The following CAPS2 variants were observed in gnomAD, a reference collection of about 807,000 sequenced individuals.
CAPS2 encodes calcyphosin-2.
In CAPS2, 98 loss-of-function variants were observed where a neutral mutation model predicts 86.5. The ratio of observed to expected loss-of-function variants is 1.13; its 90% CI spans 0.96 to 1.34. The LOEUF is 1.34. Ranked by LOEUF, CAPS2 falls within the 40% of genes most tolerant of loss-of-function variation. The probability of loss-of-function intolerance (pLI) is 0.00; values close to 1 mark genes in which losing one functional copy is unlikely to be tolerated. For missense variants in CAPS2, 729 were observed against 686.8 expected, an observed-to-expected ratio of 1.06 and a Z score of -0.69; for synonymous variants, 210 against 225.1, an observed-to-expected ratio of 0.93 and a Z score of 0.60.
intron 1 of CAPS2, among the ~76,000 whole-genome samples, chr12:75,345,429 G>A (rs1408754667): frequency 6.6e-6 from 1 of 152,014 alleles, no homozygotes; most frequent in Non-Finnish European, 1.5e-5. Flanking sequence ...ACATGGTACT[G>A]AGCCCCTAGG....
chr12:75,370,042 A>G, intron 1 of CAPS2: 2 of 1,329,032 alleles, frequency 1.5e-6, no homozygotes, highest in Non-Finnish European at 2.1e-6. Flanking sequence ...TTGAAAATCA[A>G]TTGAACTCTT....
chr12:75,352,165 G>A (rs997783065), intron 1 of CAPS2, among the ~76,000 whole-genome samples: 2 of 152,154 alleles, frequency 1.3e-5, no homozygotes, highest in East Asian at 1.9e-4. Flanking sequence ...CTATACTAAC[G>A]TTAAATGTAA....
In CAPS2 at chr12:75,374,871, A is replaced by G. The variant is rs141413720; in HGVS notation, c.-395+15967T>C. Among the ~76,000 whole-genome samples, 398 of 152,328 alleles carry G rather than the reference A, an allele frequency of 2.6e-3. 2 individuals carry two copies. Among genetic ancestry groups the G allele is most frequent in the African/African-American group, 9.3e-3 (386 of 41,570 alleles). ...GCTATGAAACCACACATGGTACAGC[A>G]GCTGCAATTAGAGTCAACACTTGGT... is the stretch of plus-strand genomic sequence containing the variant. On this transcript the variant is annotated intron_variant, in intron 1 of 5. Transcript: ENST00000551829.
intron 11 of CAPS2, among the ~76,000 whole-genome samples, chr12:75,296,949 A>T (rs934860846): frequency 6.6e-6 from 1 of 152,234 alleles, no homozygotes; most frequent in Non-Finnish European, 1.5e-5. Flanking sequence ...CAATGCTACA[A>T]TGTGAACCTC....
chr12:75,388,093 G>A (rs893225692), intron 1 of CAPS2, among the ~76,000 whole-genome samples: 1 of 152,176 alleles, frequency 6.6e-6, no homozygotes, highest in Admixed American at 6.5e-5. Flanking sequence ...CTAGGTGAGA[G>A]GTAACTGAAT....
chr12:75,341,750 T>TTTC (rs2042133367), intron 1 of CAPS2, among the ~76,000 whole-genome samples: 1 of 138,458 alleles, frequency 7.2e-6, no homozygotes, highest in Non-Finnish European at 1.6e-5. Context: ...CCGGCCTCTT[T>TTTC]TTTTTTTTTT....
At chr12:75,349,420 A>T (rs2042660652) in intron 1 of CAPS2, among the ~76,000 whole-genome samples, 1 of 152,244 alleles carries the variant, frequency 6.6e-6, no homozygotes, top group African/African-American at 2.4e-5. Context: ...CACAATACCC[A>T]GCACCTAACA....
At chr12:75,376,525 T>C (rs1344346198) in intron 1 of CAPS2, among the ~76,000 whole-genome samples, 1 of 152,170 alleles carries the variant, frequency 6.6e-6, no homozygotes, top group Non-Finnish European at 1.5e-5. Context: ...TTGTCTTGCC[T>C]GGCAACTGCC....
At chr12:75,332,532 T>C (rs1206497736), upstream of CAPS2, among the ~76,000 whole-genome samples, 1 of 152,190 alleles carries the variant, frequency 6.6e-6, no homozygotes, top group Non-Finnish European at 1.5e-5. Context: ...TTACCCAGCA[T>C]TTCCTTTTAT....
intron 4 of CAPS2, chr12:75,322,963 T>A: frequency 7.2e-7 from 1 of 1,385,520 alleles, no homozygotes; most frequent in Non-Finnish European, 1.0e-6. Context: ...GATAAGCAAA[T>A]AAATACTAAC....
chr12:75,390,697 A>C lies in CAPS2; in HGVS notation c.-395+141T>G, dbSNP rs189418971. 545 of 434,144 alleles carry C rather than the reference A, an allele frequency of 1.3e-3. 4 individuals are homozygous for C. Among genetic ancestry groups the C allele is most frequent in the African/African-American group, 0.01 (505 of 49,450 alleles). 26.9% of individuals were successfully genotyped at this position (434,144 alleles called of 1,614,324 possible). ...AATCATTTCACCTGGCACAATTAGA[A>C]GGTTCCTCAGACCTGTTACTCAGCA... On this transcript the variant is annotated intron_variant, in intron 1 of 5. Coordinates refer to the CAPS2 transcript ENST00000551829.
chr12:75,310,451 C>A (rs2039025420), intron 7 of CAPS2, among the ~76,000 whole-genome samples: 1 of 152,040 alleles, frequency 6.6e-6, no homozygotes, highest in African/African-American at 2.4e-5. Flanking sequence ...TGCAAAGTAC[C>A]TAAGACAGGA....
chr12:75,303,880 A>G (rs912089195), intron 8 of CAPS2, among the ~76,000 whole-genome samples: 2 of 152,196 alleles, frequency 1.3e-5, no homozygotes, highest in Admixed American at 6.5e-5. Flanking sequence ...GCAGCATAAG[A>G]CCAGCTATTG....
chr12:75,277,505 A>G (rs1243577117), exon 17 of CAPS2: 1 of 910,110 alleles, frequency 1.1e-6, no homozygotes. Context: ...TTTAATTTTA[A>G]TAACCTAATT....
At chr12:75,366,709 A>G in intron 1 of CAPS2, 1 of 572,098 alleles carries the variant, frequency 1.7e-6, no homozygotes, top group Non-Finnish European at 3.1e-6. Flanking sequence ...TTGCAGATCA[A>G]TGTGTGCTGA....
At position 75,323,005 on chromosome 12, in the gene CAPS2, GT is replaced by G; in HGVS notation, c.259del (p.Thr87LeufsTer8). 9.0e-6 allele frequency: 14 copies of G among 1,547,276 alleles called. No individual in the cohort carries two copies. Among genetic ancestry groups the G allele is most frequent in the Non-Finnish European group, 1.0e-5 (12 of 1,143,230 alleles). ...ATTTAGATGATACTGAGTATATGGA[GT>G]TTGACATGGTGTGACCCAGCCAAGA... On this transcript the variant is annotated frameshift_variant, in exon 4 of 17. Coordinates refer to ENST00000393284, the Ensembl canonical transcript of CAPS2. LOFTEE classifies it high-confidence loss of function.
At chr12:75,386,187 A>T (rs995620608) in intron 1 of CAPS2, among the ~76,000 whole-genome samples, 2 of 152,100 alleles carry the variant, frequency 1.3e-5, no homozygotes, top group African/African-American at 4.8e-5. Context: ...AGGCAAAAAA[A>T]CCCTGAACAG....
At chr12:75,322,818 T>C in intron 4 of CAPS2, 1 of 561,436 alleles carries the variant, frequency 1.8e-6, no homozygotes, top group Non-Finnish European at 3.2e-6. Context: ...CCAATTTCCA[T>C]GTGCGACAAA....
chr12:75,321,622 T>C (rs750151677), intron 4 of CAPS2, 46 bp from the exon 5 acceptor site: 12 of 1,362,956 alleles, frequency 8.8e-6, no homozygotes, highest in Middle Eastern at 4.1e-4. Flanking sequence ...AAAAAAGTAT[T>C]AATTTTCCTT....
Sources: allele counts gnomAD v4.1 joint callset (sites outside exome capture counted in the v4.1 genomes callset), GRCh38; gene constraint gnomAD v4.1.1; transcripts MANE v1.5; gene names NCBI Gene and HGNC (gene_info 2026-07-23, HGNC 2026-07-21).